Variants in HIVEP3 observed in about 807,000 individuals in gnomAD.
The protein encoded by HIVEP3 is HIVEP zinc finger 3, also known as transcription factor HIVEP3.
In HIVEP3, 49 loss-of-function variants were observed where a neutral mutation model predicts 152.8. The observed-to-expected ratio is 0.32, with a 90% CI of 0.26 to 0.41. The LOEUF (loss-of-function observed/expected upper bound fraction) is 0.41, where lower values mean the gene tolerates loss of function less well. HIVEP3 is among the 10% of genes least tolerant of loss of function. HIVEP3 has a pLI of 1.00. For missense variants in HIVEP3, 2,790 were observed against 3,103.3 expected (o/e 0.90, Z 2.40); for synonymous variants, 1,269 against 1,289.0 (o/e 0.98, Z 0.33).
intron 2 of HIVEP3, among the ~76,000 whole-genome samples, chr1:41,666,963 CTA>C (rs1645805277): frequency 6.6e-6 from 1 of 152,168 alleles, no homozygotes; most frequent in Non-Finnish European, 1.5e-5. Flanking sequence ...ATGCAGTTCC[CTA>C]TACTTTTCCC....
chr1:41,580,680 A>G lies in HIVEP3; in HGVS notation c.4118T>C (p.Val1373Ala). 1.2e-6 allele frequency: 2 copies of G among 1,612,188 alleles called. No homozygotes were observed. ...SKGTTVCGAD[V>A]HEVGPGPSGL... The stretch of plus-strand genomic sequence containing the variant: ...AGAAGGGCCGGGCCCAACCTCATGC[A>G]CATCTGCACCACATACAGTCGTCCC... The change falls in exon 4 of 9, where the codon GTG becomes GCG. Residue 1373 changes from valine to alanine, a missense_variant. This residue lies in a region of HIVEP3 where 1,078 missense variants were observed against 1,165.3 expected (regional missense o/e 0.93). Transcript: ENST00000372583.
At chr1:41,559,449 C>T (rs961125678) in intron 5 of HIVEP3, among the ~76,000 whole-genome samples, 1 of 152,142 alleles carries the variant, frequency 6.6e-6, no homozygotes, top group African/African-American at 2.4e-5. Flanking sequence ...CCTGGCAGGA[C>T]ACTTTCCTCC....
In HIVEP3 at chr1:41,937,134, C is replaced by T. The variant is rs553335324; in HGVS notation, n.120-18610G>A. ...ATAACCTCCATTAACAGTCTTCTTT[C>T]CAGTCCTCTTTATGTGGGGAGAACT... On this transcript the variant is annotated intron_variant and non_coding_transcript_variant, in intron 1 of 3. Coordinates refer to the HIVEP3 transcript ENST00000489103. Among the ~76,000 whole-genome samples the T allele has an allele frequency of 2.0e-5, 3 of 152,278 alleles. No individual in the cohort carries two copies. The South Asian group carries it at 6.2e-4, about 32-fold the overall frequency.
chr1:41,510,658 C>A lies in HIVEP3; in HGVS notation c.7014G>T (p.Pro2338=). 1 of 1,527,850 alleles carries A rather than the reference C, an allele frequency of 6.5e-7. No individual in the cohort carries two copies. Among genetic ancestry groups the A allele is most frequent in the Non-Finnish European group, 8.8e-7 (1 of 1,135,904 alleles). 94.6% of individuals were successfully genotyped at this position (1,527,850 alleles called of 1,614,324 possible). A position where few individuals can be genotyped will look rare whatever the true frequency, so the allele number is the denominator to read the frequency against. The change falls in exon 9 of 9, where the codon CCG becomes CCT. Residue 2338 remains proline, a synonymous_variant. Coordinates refer to ENST00000372583, the MANE Select transcript of HIVEP3 (RefSeq NM_024503.5). ...WSPRLESPRA[P]TNPEPSATPP... ...GGGTGGCAGAAGGCTCGGGGTTGGT[C>A]GGTGCACGCGGGGACTCCAAGCGGG...
chr1:41,697,795 C>A (rs1280764779), intron 2 of HIVEP3, among the ~76,000 whole-genome samples: 1 of 152,184 alleles, frequency 6.6e-6, no homozygotes, highest in Non-Finnish European at 1.5e-5. Context: ...GGCATTTGTG[C>A]ATTCTTATTG....
chr1:41,670,610 C>G (rs1188169541), intron 2 of HIVEP3, among the ~76,000 whole-genome samples: 1 of 152,114 alleles, frequency 6.6e-6, no homozygotes, highest in Admixed American at 6.5e-5. Flanking sequence ...AGCATATTAG[C>G]AGGAGGTATG....
chr1:41,990,733 T>C (rs1213179204), intron 1 of HIVEP3, among the ~76,000 whole-genome samples: 2 of 148,724 alleles, frequency 1.3e-5, no homozygotes, highest in East Asian at 4.0e-4. Context: ...TATTCCAAAA[T>C]TGACCACATA....
In HIVEP3 at chr1:41,583,820, C is replaced by A. The variant is rs765011684; in HGVS notation, c.978G>T (p.Leu326=). ...GTGACTGGGCTGTGCTGGACTGGGA[C>A]AGGGAACAGCGTTCGTGGCTGGAAC... ...SHSSSHERCS[L]SQSSTAQSLE... is the part of the protein sequence containing the mutation. Residue 326 remains leucine (L), a synonymous_variant, in exon 4 of 9, where the codon CTG becomes CTT. Coordinates refer to ENST00000372583, the MANE Select transcript of HIVEP3 (RefSeq NM_024503.5). The surrounding 1 kb of genome is among the most constrained non-coding windows in gnomAD (Gnocchi z 6.9). 2.8e-5 allele frequency: 45 copies of A among 1,602,418 alleles called. No homozygotes were observed. Among genetic ancestry groups the A allele is most frequent in the Non-Finnish European group, 3.8e-5 (45 of 1,173,988 alleles).
intron 3 of HIVEP3, among the ~76,000 whole-genome samples, chr1:41,613,033 C>T (rs1644920009): frequency 6.6e-6 from 1 of 152,230 alleles, no homozygotes; most frequent in Non-Finnish European, 1.5e-5. Context: ...CTCCAAGGGA[C>T]CTGGACAGGG....
At chr1:41,629,270 A>G (rs1645160475) in intron 2 of HIVEP3, among the ~76,000 whole-genome samples, 2 of 152,188 alleles carry the variant, frequency 1.3e-5, no homozygotes, top group African/African-American at 4.8e-5. Flanking sequence ...GGCACAACTG[A>G]CCTTAAGAGA....
At chr1:41,975,714 G>A (rs1645255733) in intron 1 of HIVEP3, among the ~76,000 whole-genome samples, 1 of 152,172 alleles carries the variant, frequency 6.6e-6, no homozygotes. Context: ...GCTCTCAAAG[G>A]ACCTTTCTTT....
chr1:41,623,480 T>C (rs1645073787), intron 3 of HIVEP3, among the ~76,000 whole-genome samples: 4 of 152,226 alleles, frequency 2.6e-5, no homozygotes, highest in Non-Finnish European at 5.9e-5. Flanking sequence ...AACCTAAAAA[T>C]GTCCCTTTTC....
At chr1:41,630,170 C>G (rs913962424) in intron 2 of HIVEP3, among the ~76,000 whole-genome samples, 1 of 152,152 alleles carries the variant, frequency 6.6e-6, no homozygotes, top group African/African-American at 2.4e-5. Flanking sequence ...AGAATTAACA[C>G]AGGCACAGAA....
chr1:41,668,866 G>A (rs1481357875), intron 2 of HIVEP3, among the ~76,000 whole-genome samples: 15 of 152,168 alleles, frequency 9.9e-5, no homozygotes, highest in African/African-American at 1.4e-4. Flanking sequence ...GCCCCTACTA[G>A]GTTAGGAGAG....
At position 41,510,680 on chromosome 1, in the gene HIVEP3, C is replaced by G. The variant is rs150109831; in HGVS notation, c.6992G>C (p.Arg2331Pro). The change falls in exon 9 of 9, where the codon CGC (arginine) becomes CCC (proline). Residue 2331 changes from arginine to proline, a missense_variant. Physicochemically the swap from Arg to Pro is moderately radical, Grantham distance 103. Around this residue, in one of 9 missense-constraint regions of HIVEP3, gnomAD observed 816 missense variants for 806.5 expected, o/e 1.01. Coordinates refer to ENST00000372583, the MANE Select transcript of HIVEP3 (RefSeq NM_024503.5). ...GGTCGGTGCACGCGGGGACTCCAAG[C>G]GGGGGCTCCAGGACTGCGCTGCCCG... is the stretch of plus-strand genomic sequence containing the variant. The part of the protein sequence containing the change: ...GRRAAQSWSP[R>P]LESPRAPTNP... 6.6e-6 allele frequency: 10 copies of G among 1,522,870 alleles called. No individual in the cohort carries two copies. The highest frequency in any genetic ancestry group is 1.2e-5 in the South Asian group (1 of 81,094). 94.3% of individuals were successfully genotyped at this position (1,522,870 alleles called of 1,614,324 possible).
intron 1 of HIVEP3, among the ~76,000 whole-genome samples, chr1:41,931,584 C>T (rs1302233640): frequency 6.6e-6 from 1 of 152,024 alleles, no homozygotes; most frequent in Non-Finnish European, 1.5e-5. Flanking sequence ...GACAAACTGA[C>T]ATCTTCCAAT....
chr1:41,750,585 A>T (rs891227785), intron 1 of HIVEP3, among the ~76,000 whole-genome samples: 55 of 151,822 alleles, frequency 3.6e-4, no homozygotes, highest in African/African-American at 1.3e-3. Context: ...GTTCATTGCC[A>T]CTCATATTCA....
chr1:41,529,106 G>A (rs1643140072), intron 5 of HIVEP3, among the ~76,000 whole-genome samples: 1 of 58,112 alleles, frequency 1.7e-5, no homozygotes, highest in Admixed American at 1.9e-4. Context: ...CCTCACACAT[G>A]CTCACACCCC....
At chr1:41,602,285 C>A (rs1272702830) in intron 3 of HIVEP3, among the ~76,000 whole-genome samples, 1 of 151,914 alleles carries the variant, frequency 6.6e-6, no homozygotes, top group African/African-American at 2.4e-5. Context: ...GTTCCCTCCT[C>A]TTCAATTTTT....
Sources: allele counts gnomAD v4.1 joint callset (sites outside exome capture counted in the v4.1 genomes callset), GRCh38; gene constraint gnomAD v4.1.1; regional missense constraint gnomAD v4.1.1; non-coding constraint Gnocchi (gnomAD v3.1); transcripts MANE v1.5; gene names NCBI Gene and HGNC (gene_info 2026-07-23, HGNC 2026-07-21).